CLSTN3: variants seen among roughly 807,000 people sequenced by gnomAD.
CLSTN3 encodes calsyntenin-3.
A neutral mutation model predicts 95.9 loss-of-function variants in CLSTN3; 36 were observed. That is an observed-to-expected ratio of 0.38 (90% CI 0.29 to 0.50). The LOEUF (loss-of-function observed/expected upper bound fraction) is 0.50, where lower values mean the gene tolerates loss of function less well. CLSTN3 is among the 20% of genes least tolerant of loss of function. The pLI is 0.95. For missense variants in CLSTN3, 1,084 were observed against 1,268.8 expected, an observed-to-expected ratio of 0.85 and a Z score of 2.21; for synonymous variants, 481 against 504.0, an observed-to-expected ratio of 0.95 and a Z score of 0.61.
In CLSTN3 at chr12:7,136,221, T is replaced by A. The variant is rs1369992925; in HGVS notation, c.758T>A (p.Ile253Asn). ...ACCCATGCAGGCTGGAACAAAAGGA[T>A]CGAATATGCACCAGGTGCTGGGAGC... ...KPSWQGWNKRIEYAPGAGSLA... is the reference protein window; with the variant it reads ...KPSWQGWNKRNEYAPGAGSLA... The change falls in exon 6 of 18, where the codon ATC (isoleucine) becomes AAC (asparagine). Residue 253 changes from isoleucine to asparagine, a missense_variant. Coordinates refer to ENST00000266546, the MANE Select transcript of CLSTN3 (RefSeq NM_014718.4). 6.2e-7 allele frequency: 1 copy of A among 1,613,866 alleles called. No individual in the cohort carries two copies. Among genetic ancestry groups the A allele is most frequent in the Non-Finnish European group, 8.5e-7 (1 of 1,179,942 alleles).
At position 7,137,210 on chromosome 12, in the gene CLSTN3, C is replaced by T. The variant is rs1939444895; in HGVS notation, c.1210+100C>T. 11 of 1,264,552 alleles carry T rather than the reference C, an allele frequency of 8.7e-6. No homozygotes were observed. Among genetic ancestry groups the T allele is most frequent in the South Asian group, 1.4e-5 (1 of 69,714 alleles). The allele number at this position is 1,264,552 out of a possible 1,614,324, so 78.3% of individuals were successfully genotyped here. A position where few individuals can be genotyped will look rare whatever the true frequency, so the allele number is the denominator to read the frequency against. ...TGACTGTGAACAGGTCACTTCCCCTCTCTTCATTTGTGAGGTGCAAGTGCC... is the reference window on the plus strand; with the variant it reads ...TGACTGTGAACAGGTCACTTCCCCTTTCTTCATTTGTGAGGTGCAAGTGCC... On this transcript the variant is annotated intron_variant, in intron 7 of 17. Transcript: ENST00000266546. This position sits in a 1 kb window ranked among gnomAD's most constrained non-coding sequence, Gnocchi z 4.4.
chr12:7,153,154 G>A (rs893889014), intron 16 of CLSTN3, among the ~76,000 whole-genome samples: 6 of 152,028 alleles, frequency 3.9e-5, no homozygotes, highest in African/African-American at 9.7e-5. Context: ...GAAAACAACC[G>A]CAGAGGCTTT....
intron 16 of CLSTN3, among the ~76,000 whole-genome samples, chr12:7,155,671 G>T (rs1023987528): frequency 2.0e-5 from 3 of 152,226 alleles, no homozygotes; most frequent in African/African-American, 7.2e-5. Flanking sequence ...CTTATCCCCC[G>T]TTCCCAGGAA....
At chr12:7,156,983 G>A in intron 16 of CLSTN3, 1 of 365,928 alleles carries the variant, frequency 2.7e-6, no homozygotes, top group Non-Finnish European at 5.4e-6. Context: ...CCAGCCTCAG[G>A]TGCTAGTGCC....
In CLSTN3 at chr12:7,137,973, A is replaced by G. The variant is rs1388607892; in HGVS notation, c.1229A>G (p.Tyr410Cys). ...CCCTCAGAGGACGGCTTCTCTCACT[A>G]CTCGCTGACTGTCCACGGCTGTAGG... ...TVQNEDGFSH[Y>C]SLTVHGCRIA... Residue 410 changes from tyrosine to cysteine, a missense_variant, in exon 8 of 18, where the codon TAC becomes TGC. Tyr to Cys is a radical substitution (Grantham distance 194). Coordinates refer to ENST00000266546, the MANE Select transcript of CLSTN3 (RefSeq NM_014718.4). The surrounding 1 kb of genome is among the most constrained non-coding windows in gnomAD (Gnocchi z 4.4). 4 of 1,612,606 alleles carry G rather than the reference A, an allele frequency of 2.5e-6. No individual in the cohort carries two copies. The highest frequency in any genetic ancestry group is 1.1e-5 in the South Asian group (1 of 90,984).
At chr12:7,147,396 CAAAAAAAAAAAAAAA>C (rs56109046) in intron 12 of CLSTN3, among the ~76,000 whole-genome samples, 7 of 50,522 alleles carry the variant, frequency 1.4e-4, no homozygotes, top group Non-Finnish European at 2.2e-4. Flanking sequence ...GAGACTCTGC[CAAAAAAAAAAAAAAA>C]AAAAAAAAAA....
At chr12:7,130,261 C>T, upstream of CLSTN3, 1 of 543,966 alleles carries the variant, frequency 1.8e-6, no homozygotes, top group Non-Finnish European at 2.7e-6. Flanking sequence ...CCAGCCCCGA[C>T]GCCCCAGTCT....
intron 1 of CLSTN3, among the ~76,000 whole-genome samples, chr12:7,131,525 G>A (rs2135792073): frequency 6.6e-6 from 1 of 152,206 alleles, no homozygotes; most frequent in South Asian, 2.1e-4. Context: ...AAAGAGGGAG[G>A]AATGAGGAAA....
chr12:7,152,670 G>T (rs931449398), intron 16 of CLSTN3, among the ~76,000 whole-genome samples: 8 of 152,102 alleles, frequency 5.3e-5, no homozygotes, highest in Non-Finnish European at 1.0e-4. Context: ...CAAACACAGG[G>T]TGCTCTCATC....
At position 7,149,206 on chromosome 12, in the gene CLSTN3, C is replaced by T. The variant is rs375427198; in HGVS notation, c.2074+8C>T. The T allele has an allele frequency of 1.5e-3, 2,457 of 1,610,582 alleles. 4 individuals carry two copies. Among genetic ancestry groups the T allele is most frequent in the Non-Finnish European group, 1.7e-3 (1,948 of 1,177,426 alleles). ...AGAGTTGGCAGGGCACAGGTAAGGA[C>T]GACTTCGGGGAGTAACACCATCCAG... is the stretch of plus-strand genomic sequence containing the variant. On this transcript the variant is annotated splice_region_variant and intron_variant, in intron 13 of 17. Coordinates refer to ENST00000266546, the MANE Select transcript of CLSTN3 (RefSeq NM_014718.4). The surrounding 1 kb of genome is among the most constrained non-coding windows in gnomAD (Gnocchi z 4.5).
chr12:7,130,670 C>T lies in CLSTN3; in HGVS notation c.22C>T (p.Leu8Phe), dbSNP rs1434807178. The T allele has an allele frequency of 1.9e-6, 3 of 1,573,488 alleles. No individual in the cohort carries two copies. In the African/African-American group the frequency reaches 4.0e-5, roughly 21 times the overall value. Reference sequence around the variant, plus strand: ...CACCATGACCCTCCTGCTGCTGCCCCTTCTGCTGGCCTCTCTGCTCGCGTC... The same window carrying T: ...CACCATGACCCTCCTGCTGCTGCCCTTTCTGCTGGCCTCTCTGCTCGCGTC... MTLLLLP[L>F]LLASLLASCS... The change falls in exon 1 of 18, where the codon CTT becomes TTT. Residue 8 changes from leucine (L) to phenylalanine (F), a missense_variant. Transcript: ENST00000266546.
Position 7,157,667 on chromosome 12 carries a change from C to T in CLSTN3, c.2706C>T (p.Leu902=). The change falls in exon 17 of 18, where the codon CTC becomes CTT. Residue 902 remains leucine, a synonymous_variant. Transcript: ENST00000266546. This position sits in a 1 kb window ranked among gnomAD's most constrained non-coding sequence, Gnocchi z 5.9. ...DPDLFWDDSA[L]TIIVNPMESY... The stretch of plus-strand genomic sequence containing the variant: ...ACCTCTTCTGGGATGACTCAGCTCT[C>T]ACCATCATTGTGAACCCCATGGAGG... 6.3e-7 allele frequency: 1 copy of T among 1,598,486 alleles called. No homozygotes were observed. Among genetic ancestry groups the T allele is most frequent in the Non-Finnish European group, 8.5e-7 (1 of 1,171,962 alleles).
In CLSTN3 at chr12:7,156,730, C is replaced by T. The variant is rs55746207; in HGVS notation, c.2528-759C>T. The T allele has an allele frequency of 3.2e-3, 1,470 of 456,812 alleles. 18 individuals are homozygous for T. Among genetic ancestry groups the T allele is most frequent in the African/African-American group, 0.028 (1,383 of 50,200 alleles). 28.3% of individuals were successfully genotyped at this position (456,812 alleles called of 1,614,324 possible). ...TCCGTGTGAGAGTGAACGCACCGTT[C>T]TGTGTCTCAGTGCCCTTGAAGGTCC... On this transcript the variant is annotated intron_variant, in intron 16 of 17. Coordinates refer to ENST00000266546, the MANE Select transcript of CLSTN3 (RefSeq NM_014718.4).
At position 7,137,316 on chromosome 12, in the gene CLSTN3, C is replaced by G. The variant is rs1023219326; in HGVS notation, c.1210+206C>G. On this transcript the variant is annotated intron_variant, in intron 7 of 17. Coordinates refer to ENST00000266546, the MANE Select transcript of CLSTN3 (RefSeq NM_014718.4). This position sits in a 1 kb window ranked among gnomAD's most constrained non-coding sequence, Gnocchi z 4.4. ...ACTGCTGTCAGAGTGCAATGGGATT[C>G]CTTGCTGCTACTCTTGTTTTCAGTT... 3.4e-6 allele frequency: 2 copies of G among 585,744 alleles called. No individual in the cohort carries two copies. Among genetic ancestry groups the G allele is most frequent in the Non-Finnish European group, 6.0e-6 (2 of 333,460 alleles). The allele number at this position is 585,744 out of a possible 1,614,324, so 36.3% of individuals were successfully genotyped here.
rs1394798010 is a variant in CLSTN3 at position 7,133,222 on chromosome 12, A to AG, written c.187+79dup. 2.8e-6 allele frequency: 4 copies of AG among 1,451,810 alleles called. No individual in the cohort carries two copies. The highest frequency in any genetic ancestry group is 3.8e-6 in the Non-Finnish European group (4 of 1,039,962). 89.9% of individuals were successfully genotyped at this position (1,451,810 alleles called of 1,614,324 possible). ...TGGGAGGGCCAAGAGCAAGGGAGGG[A>AG]GGGAAGGTCCTGGGAGTGATGAGAA... On this transcript the variant is annotated intron_variant, in intron 2 of 17. Coordinates refer to ENST00000266546, the MANE Select transcript of CLSTN3 (RefSeq NM_014718.4). The surrounding 1 kb of genome is among the most constrained non-coding windows in gnomAD (Gnocchi z 4.7).
Position 7,150,585 on chromosome 12 carries a change from G to C in CLSTN3, c.2287G>C (p.Ala763Pro). The change falls in exon 15 of 18, where the codon GCT (alanine) becomes CCT (proline). Residue 763 changes from alanine to proline, a missense_variant. Physicochemically the swap from Ala to Pro is conservative, Grantham distance 27. Transcript: ENST00000266546. The surrounding 1 kb of genome is among the most constrained non-coding windows in gnomAD (Gnocchi z 4.0). ...ITVYEEILRQARYRLRHGAAL... is the reference protein window; with the variant it reads ...ITVYEEILRQPRYRLRHGAAL... ...TGTGTATGAAGAGATCCTGAGGCAGGCTCGTTATCGGCTGCGACACGGAGC... is the reference window on the plus strand; with the variant it reads ...TGTGTATGAAGAGATCCTGAGGCAGCCTCGTTATCGGCTGCGACACGGAGC... The C allele has an allele frequency of 6.2e-7, 1 of 1,614,076 alleles. No individual in the cohort carries two copies. Among genetic ancestry groups the C allele is most frequent in the Non-Finnish European group, 8.5e-7 (1 of 1,179,960 alleles).
In CLSTN3 at chr12:7,136,260, C is replaced by T; in HGVS notation, c.797C>T (p.Pro266Leu). 3 of 1,614,220 alleles carry T rather than the reference C, an allele frequency of 1.9e-6. No homozygotes were observed. The highest frequency in any genetic ancestry group is 2.5e-6 in the Non-Finnish European group (3 of 1,180,040). The change falls in exon 6 of 18, where the codon CCT becomes CTT. Residue 266 changes from proline to leucine, a missense_variant. Pro to Leu is a moderately conservative substitution (Grantham distance 98). Transcript: ENST00000266546. ...APGAGSLALF[P>L]GIRLETCDEP... ...GGTGCTGGGAGCTTGGCTTTGTTCCCTGGTATCCGCCTGGAGACCTGTGAT... is the reference window on the plus strand; with the variant it reads ...GGTGCTGGGAGCTTGGCTTTGTTCCTTGGTATCCGCCTGGAGACCTGTGAT...
Position 7,150,969 on chromosome 12 carries a change from C to T in CLSTN3, c.2433C>T (p.Ser811=), listed in dbSNP as rs1939713171. 1 of 1,612,670 alleles carries T rather than the reference C, an allele frequency of 6.2e-7. No homozygotes were observed. The highest frequency in any genetic ancestry group is 1.7e-5 in the Admixed American group (1 of 59,840). ...GCATGAACCGGGTTGCCCACCCCAG[C>T]CACGTGCTCAGCTCCCAGCAGTTCC... ...LHSMNRVAHP[S]HVLSSQQFLH... Residue 811 remains serine (S), a synonymous_variant, in exon 16 of 18, where the codon AGC becomes AGT. Transcript: ENST00000266546. This position sits in a 1 kb window ranked among gnomAD's most constrained non-coding sequence, Gnocchi z 4.0.
At chr12:7,146,545 C>T (rs1376014990) in intron 12 of CLSTN3, among the ~76,000 whole-genome samples, 2 of 152,178 alleles carry the variant, frequency 1.3e-5, no homozygotes, top group South Asian at 2.1e-4. Context: ...CAGTACTACC[C>T]TCCTTCAAAG....
Sources: gnomAD v4.1 joint callset for allele counts (sites outside exome capture counted in the v4.1 genomes callset) on GRCh38, gnomAD v4.1.1 for gene constraint, Gnocchi (gnomAD v3.1) non-coding constraint, MANE v1.5 for transcripts, NCBI Gene and HGNC (gene_info 2026-07-23, HGNC 2026-07-21) for gene names.